The following LRRC4C variants were observed in gnomAD, a reference collection of about 807,000 sequenced individuals.
LRRC4C encodes the protein leucine-rich repeat-containing protein 4C.
In LRRC4C, 5 loss-of-function variants were observed where a neutral mutation model predicts 33.6. The observed-to-expected ratio is 0.15, with a 90% confidence interval of 0.08 to 0.31. The LOEUF (loss-of-function observed/expected upper bound fraction) is 0.31. LRRC4C is among the 10% of genes least tolerant of loss of function. LRRC4C has a pLI of 1.00. For missense variants in LRRC4C, 560 were observed against 796.7 expected (o/e 0.70, Z 3.58); for synonymous variants, 329 against 302.0 (o/e 1.09, Z -0.93).
chr11:40,672,287 C>T (rs1347843250), intron 2 of LRRC4C, among the ~76,000 whole-genome samples: 1 of 152,024 alleles, frequency 6.6e-6, no homozygotes, highest in East Asian at 1.9e-4. Flanking sequence ...ATAAAAGAGG[C>T]ACAAATCTCA....
chr11:40,180,143 A>C (rs1282125513), intron 5 of LRRC4C, among the ~76,000 whole-genome samples: 3 of 152,248 alleles, frequency 2.0e-5, no homozygotes, highest in African/African-American at 7.2e-5. Context: ...TTGCATTTTA[A>C]AACTCAATAT....
intron 3 of LRRC4C, among the ~76,000 whole-genome samples, chr11:40,511,663 A>G (rs1180820793): frequency 6.6e-6 from 1 of 152,202 alleles, no homozygotes; most frequent in African/African-American, 2.4e-5. Context: ...TCCAGACTCG[A>G]AACTGAAGCA....
intron 1 of LRRC4C, among the ~76,000 whole-genome samples, chr11:41,415,397 C>A (rs1954639668): frequency 6.6e-6 from 1 of 152,108 alleles, no homozygotes; most frequent in African/African-American, 2.4e-5. Context: ...AATGACTGAG[C>A]AAAGCGGTGT....
chr11:40,945,813 C>A (rs574158163), intron 1 of LRRC4C, among the ~76,000 whole-genome samples: 1 of 152,136 alleles, frequency 6.6e-6, no homozygotes, highest in African/African-American at 2.4e-5. Flanking sequence ...ACCATCAGAG[C>A]CTCCAAGTAA....
At chr11:41,409,795 G>T (rs1954390451) in intron 1 of LRRC4C, among the ~76,000 whole-genome samples, 3 of 152,142 alleles carry the variant, frequency 2.0e-5, no homozygotes, top group Admixed American at 6.6e-5. Flanking sequence ...GATTTTGGTA[G>T]ATATGACTGA....
At chr11:41,055,235 A>G (rs537111567) in intron 1 of LRRC4C, among the ~76,000 whole-genome samples, 175 of 152,258 alleles carry the variant, frequency 1.1e-3, no homozygotes, top group Non-Finnish European at 2.0e-3. Context: ...AGTGTGAGTC[A>G]TCCTTGCTTT....
At chr11:40,902,125 C>A (rs189300759) in intron 2 of LRRC4C, among the ~76,000 whole-genome samples, 1 of 151,974 alleles carries the variant, frequency 6.6e-6, no homozygotes, top group East Asian at 1.9e-4. Flanking sequence ...AATTTTGTGG[C>A]AACCTTGCAT....
At chr11:40,276,674 A>AGTGTGTGTGTGTGTGTGT (rs56155922) in intron 4 of LRRC4C, among the ~76,000 whole-genome samples, 7 of 127,554 alleles carry the variant, frequency 5.5e-5, no homozygotes, top group Admixed American at 1.6e-4. Context: ...GTGGGAAACA[A>AGTGTGTGTGTGTGTGTGT]GTGTGTGTGT....
chr11:40,891,240 A>G (rs1056328795), intron 2 of LRRC4C, among the ~76,000 whole-genome samples: 5 of 152,174 alleles, frequency 3.3e-5, no homozygotes, highest in Admixed American at 2.6e-4. Flanking sequence ...TCTGTCTCAA[A>G]TAAACGAACA....
rs61129430 is a variant in LRRC4C at position 40,485,248 on chromosome 11, G to GACAC, written c.-270+162890_-270+162893dup. ...ACAGTAAAAATATGGTGATAAGAGGGACACACACACACACACACGTATTTG... is the reference window on the plus strand; with the variant it reads ...ACAGTAAAAATATGGTGATAAGAGGGACACACACACACACACACACACGTATTTG... On this transcript the variant is annotated intron_variant, in intron 3 of 6. Transcript: ENST00000528697. Among the ~76,000 whole-genome samples the GACAC allele has an allele frequency of 7.0e-4, 105 of 150,696 alleles. 1 individual carries two copies. Among genetic ancestry groups the GACAC allele is most frequent in the East Asian group, 1.2e-3 (6 of 5,126 alleles).
At chr11:40,260,873 C>CA (rs1286342172) in intron 4 of LRRC4C, among the ~76,000 whole-genome samples, 1 of 152,006 alleles carries the variant, frequency 6.6e-6, no homozygotes, top group Non-Finnish European at 1.5e-5. Context: ...ACAAAACATA[C>CA]AAAAAATTCT....
At chr11:40,319,083 G>A (rs10768596) in intron 4 of LRRC4C, among the ~76,000 whole-genome samples, 145,823 of 152,234 alleles carry the variant, frequency 0.96, 70,174 homozygotes, top group Middle Eastern at 1. Context: ...CGATCCTTCA[G>A]TGGTAACAGA....
At chr11:40,509,613 T>C (rs1288051402) in intron 3 of LRRC4C, among the ~76,000 whole-genome samples, 3 of 152,150 alleles carry the variant, frequency 2.0e-5, no homozygotes, top group African/African-American at 7.2e-5. Context: ...GTGCATTTCA[T>C]AGTGCCTAGT....
intron 3 of LRRC4C, among the ~76,000 whole-genome samples, chr11:40,642,181 G>C (rs1591353502): frequency 6.6e-6 from 1 of 151,100 alleles, no homozygotes; most frequent in Non-Finnish European, 1.5e-5. Flanking sequence ...GTGATTTAAG[G>C]CATTTAATTT....
chr11:40,342,902 C>A (rs1946937108), intron 3 of LRRC4C, among the ~76,000 whole-genome samples: 1 of 152,104 alleles, frequency 6.6e-6, no homozygotes, highest in African/African-American at 2.4e-5. Flanking sequence ...ATTCATCCAT[C>A]TTTTAGTCTA....
intron 1 of LRRC4C, among the ~76,000 whole-genome samples, chr11:41,302,533 G>A (rs1229312602): frequency 6.6e-6 from 1 of 152,126 alleles, no homozygotes; most frequent in East Asian, 1.9e-4. Flanking sequence ...TTTCGAGTTT[G>A]ATGCACATCA....
intron 1 of LRRC4C, among the ~76,000 whole-genome samples, chr11:41,323,979 TA>T (rs1271311301): frequency 6.6e-6 from 1 of 152,210 alleles, no homozygotes; most frequent in African/African-American, 2.4e-5. Context: ...AGTACTTAGA[TA>T]TTTTTGAATA....
intron 5 of LRRC4C, among the ~76,000 whole-genome samples, chr11:40,154,838 A>C (rs189026674): frequency 3.3e-5 from 5 of 152,192 alleles, no homozygotes; most frequent in African/African-American, 1.2e-4. Context: ...TTTAAACTAT[A>C]CCTTGGAACA....
chr11:41,039,145 A>G (rs1857267728), intron 1 of LRRC4C, among the ~76,000 whole-genome samples: 1 of 152,138 alleles, frequency 6.6e-6, no homozygotes, highest in South Asian at 2.1e-4. Context: ...TCTTCTGCAT[A>G]TGGCTGGGCA....
Sources: gnomAD v4.1 joint callset for allele counts (sites outside exome capture counted in the v4.1 genomes callset) on GRCh38, gnomAD v4.1.1 for gene constraint, MANE v1.5 for transcripts, NCBI Gene and HGNC (gene_info 2026-07-23, HGNC 2026-07-21) for gene names.